LRRTM4: variants seen among roughly 807,000 people sequenced by gnomAD.
LRRTM4 encodes leucine rich repeat transmembrane neuronal 4.
Under a neutral mutation model 47.6 loss-of-function variants are expected in LRRTM4, and 25 were observed. The ratio of observed to expected loss-of-function variants is 0.53; its 90% CI spans 0.38 to 0.73. The LOEUF (loss-of-function observed/expected upper bound fraction) is 0.73. LRRTM4 is among the 30% of genes least tolerant of loss of function. The probability of loss-of-function intolerance (pLI) is 0.00; values close to 1 mark genes in which losing one functional copy is unlikely to be tolerated. For missense variants in LRRTM4, 638 were observed against 713.4 expected, an observed-to-expected ratio of 0.89 and a Z score of 1.20; for synonymous variants, 311 against 269.5, an observed-to-expected ratio of 1.15 and a Z score of -1.51.
intron 3 of LRRTM4, among the ~76,000 whole-genome samples, chr2:76,845,351 G>T (rs1034825281): frequency 2.6e-5 from 4 of 152,150 alleles, no homozygotes; most frequent in Non-Finnish European, 4.4e-5. Flanking sequence ...AATTAGCCAG[G>T]CATGGTGGGG....
At position 76,786,367 on chromosome 2, in the gene LRRTM4, G is replaced by C. The variant is rs1237285024; in HGVS notation, c.1552-37451C>G. On this transcript the variant is annotated intron_variant, in intron 3 of 3. Transcript: ENST00000409884. Reference sequence around the variant, plus strand: ...TAAAAATAAAAAACCCACAAATGATGAATAGGCAAATTGGTCCCCCAAGAC... The same window carrying C: ...TAAAAATAAAAAACCCACAAATGATCAATAGGCAAATTGGTCCCCCAAGAC... Among the ~76,000 whole-genome samples the C allele has an allele frequency of 3.9e-5, 6 of 151,982 alleles. No homozygotes were observed. The East Asian group carries it at 7.7e-4, about 20-fold the overall frequency.
intron 3 of LRRTM4, among the ~76,000 whole-genome samples, chr2:77,440,556 G>T (rs912833980): frequency 6.6e-6 from 1 of 152,162 alleles, no homozygotes; most frequent in African/African-American, 2.4e-5. Context: ...TTTGAACATA[G>T]ATCTTTTAGA....
At chr2:76,940,110 A>G (rs546510984) in intron 3 of LRRTM4, among the ~76,000 whole-genome samples, 1 of 152,304 alleles carries the variant, frequency 6.6e-6, no homozygotes, top group East Asian at 1.9e-4. Context: ...AAACAGAACT[A>G]ATGTTCAACC....
intron 3 of LRRTM4, among the ~76,000 whole-genome samples, chr2:77,160,575 G>A (rs774716584): frequency 6.6e-6 from 1 of 152,060 alleles, no homozygotes; most frequent in Non-Finnish European, 1.5e-5. Context: ...AGCATGGATG[G>A]ATGCAATCCA....
At chr2:76,908,626 A>G (rs926619927) in intron 3 of LRRTM4, among the ~76,000 whole-genome samples, 4 of 152,210 alleles carry the variant, frequency 2.6e-5, no homozygotes, top group African/African-American at 9.7e-5. Context: ...CCTTAAGCTG[A>G]TAAGCAACTT....
At chr2:76,888,548 A>T (rs968236791) in intron 3 of LRRTM4, among the ~76,000 whole-genome samples, 4 of 151,734 alleles carry the variant, frequency 2.6e-5, no homozygotes, top group African/African-American at 9.7e-5. Flanking sequence ...ACTTAAAGCT[A>T]AAAAGTAGCT....
intron 3 of LRRTM4, among the ~76,000 whole-genome samples, chr2:76,789,454 C>A (rs1674852325): frequency 6.6e-6 from 1 of 152,194 alleles, no homozygotes; most frequent in Non-Finnish European, 1.5e-5. Context: ...CGTTGTATGA[C>A]AGGACTTCTT....
intron 3 of LRRTM4, among the ~76,000 whole-genome samples, chr2:77,196,876 A>G (rs1263471115): frequency 1.3e-5 from 2 of 152,212 alleles, no homozygotes; most frequent in African/African-American, 4.8e-5. Flanking sequence ...ATTTGTTGAA[A>G]TGTCAGGATG....
chr2:76,940,807 A>T (rs1037387535), intron 3 of LRRTM4, among the ~76,000 whole-genome samples: 6 of 152,156 alleles, frequency 3.9e-5, no homozygotes, highest in African/African-American at 1.4e-4. Context: ...TCCCTTCTTA[A>T]GCCCAGAATT....
At chr2:76,781,004 T>C (rs984553569) in intron 3 of LRRTM4, among the ~76,000 whole-genome samples, 4 of 152,264 alleles carry the variant, frequency 2.6e-5, no homozygotes, top group African/African-American at 9.6e-5. Flanking sequence ...TGCAGGTCTG[T>C]TGGAATACCC....
At chr2:77,360,555 T>A (rs924453273) in intron 3 of LRRTM4, among the ~76,000 whole-genome samples, 212 of 136,502 alleles carry the variant, frequency 1.6e-3, no homozygotes, top group Non-Finnish European at 2.3e-3. Context: ...CATTCATACA[T>A]ACATACATAC....
At chr2:77,488,195 C>T (rs1215494825) in intron 3 of LRRTM4, among the ~76,000 whole-genome samples, 3 of 152,172 alleles carry the variant, frequency 2.0e-5, no homozygotes, top group Non-Finnish European at 4.4e-5. Flanking sequence ...CAGTACCTGG[C>T]CTCTCCAAGC....
chr2:76,801,773 C>T (rs143691030), intron 3 of LRRTM4, among the ~76,000 whole-genome samples: 2 of 152,122 alleles, frequency 1.3e-5, no homozygotes, highest in East Asian at 1.9e-4. Context: ...GATCATTCAC[C>T]ACGATCAAAT....
intron 3 of LRRTM4, among the ~76,000 whole-genome samples, chr2:76,808,617 T>G (rs914972700): frequency 3.3e-5 from 5 of 152,206 alleles, no homozygotes; most frequent in African/African-American, 1.2e-4. Context: ...ATTTTTTATC[T>G]TTTAGCACAC....
chr2:77,473,120 T>C (rs556368307), intron 3 of LRRTM4, among the ~76,000 whole-genome samples: 18 of 152,182 alleles, frequency 1.2e-4, no homozygotes, highest in African/African-American at 4.3e-4. Flanking sequence ...TTTTCTGCAG[T>C]TTAGGGGACA....
chr2:76,858,704 T>C (rs1374122615), intron 3 of LRRTM4, among the ~76,000 whole-genome samples: 5 of 152,200 alleles, frequency 3.3e-5, no homozygotes, highest in Non-Finnish European at 5.9e-5. Flanking sequence ...TGGTATTCTC[T>C]GGCAATTTTG....
At chr2:77,076,020 T>C in intron 3 of LRRTM4, among the ~76,000 whole-genome samples, 1 of 151,674 alleles carries the variant, frequency 6.6e-6, no homozygotes, top group South Asian at 2.1e-4. Flanking sequence ...CCAAAAACTA[T>C]TTCCATTTAT....
At chr2:77,366,012 T>G (rs576299677) in intron 3 of LRRTM4, among the ~76,000 whole-genome samples, 1 of 151,348 alleles carries the variant, frequency 6.6e-6, no homozygotes, top group African/African-American at 2.4e-5. Context: ...AGACACTTGA[T>G]AGATATAAGG....
intron 3 of LRRTM4, among the ~76,000 whole-genome samples, chr2:77,103,975 A>T (rs55734526): frequency 0.11 from 17,253 of 152,152 alleles, 1,205 homozygotes; most frequent in East Asian, 0.16. Flanking sequence ...TTTCAAACTC[A>T]ATCATTCAAC....
Sources: allele counts gnomAD v4.1 joint callset (sites outside exome capture counted in the v4.1 genomes callset), GRCh38; gene constraint gnomAD v4.1.1; transcripts MANE v1.5; gene names NCBI Gene and HGNC (gene_info 2026-07-23, HGNC 2026-07-21).